Variants in LMNTD1 observed in about 807,000 individuals in gnomAD.
LMNTD1 encodes lamin tail domain containing 1, also known as lamin tail domain-containing protein 1.
A neutral mutation model predicts 50.9 loss-of-function variants in LMNTD1; 35 were observed. That is an observed-to-expected ratio of 0.69 (90% CI 0.53 to 0.91). The LOEUF is 0.91. Among genes scored for constraint, LMNTD1 ranks in the 40% least tolerant of loss-of-function variants. The pLI, the probability that LMNTD1 is intolerant of heterozygous loss-of-function variation, is 0.00. For missense variants in LMNTD1, 470 were observed against 475.5 expected, an observed-to-expected ratio of 0.99 and a Z score of 0.11; for synonymous variants, 153 against 161.9, an observed-to-expected ratio of 0.94 and a Z score of 0.42.
intron 9 of LMNTD1, among the ~76,000 whole-genome samples, chr12:25,486,717 G>T (rs1938657540): frequency 6.7e-6 from 1 of 150,020 alleles, no homozygotes; most frequent in South Asian, 2.2e-4. Flanking sequence ...AGCATGAAGG[G>T]TTGTTGAATT....
intron 1 of LMNTD1, among the ~76,000 whole-genome samples, chr12:25,635,201 T>C (rs576793901): frequency 4.8e-5 from 7 of 146,690 alleles, no homozygotes; most frequent in Non-Finnish European, 1.0e-4. Context: ...AATCACACCA[T>C]TGCACTCCAG....
chr12:25,530,188 T>A, intron 4 of LMNTD1, among the ~76,000 whole-genome samples: 1 of 152,200 alleles, frequency 6.6e-6, no homozygotes, highest in East Asian at 1.9e-4. Context: ...AATTTACATT[T>A]TTATAATTTA....
intron 1 of LMNTD1, among the ~76,000 whole-genome samples, chr12:25,601,984 AT>A (rs1945989610): frequency 6.6e-6 from 1 of 151,926 alleles, no homozygotes; most frequent in Non-Finnish European, 1.5e-5. Context: ...ATTATTGTTA[AT>A]TATAACTTTT....
At position 25,487,320 on chromosome 12, in the gene LMNTD1, A is replaced by G. The variant is rs1162219129; in HGVS notation, c.*23-10860T>C. ...TTGCTTTATGAATCTGGGTGCTCCT[A>G]TATTGGGTGCATATATATTTAGGAT... On this transcript the variant is annotated intron_variant, in intron 9 of 9. Coordinates refer to ENST00000458174, the MANE Select transcript of LMNTD1 (RefSeq NM_001145728.2). Among the ~76,000 whole-genome samples the G allele has an allele frequency of 3.0e-5, 4 of 134,176 alleles. No individual in the cohort carries two copies. The South Asian group carries it at 8.3e-4, about 28-fold the overall frequency. The allele number at this position is 134,176 out of a possible 152,430, so 88.0% of individuals were successfully genotyped here.
intron 6 of LMNTD1, among the ~76,000 whole-genome samples, 165 bp from the exon 7 acceptor site, chr12:25,520,240 T>C (rs1294707546): frequency 6.6e-6 from 1 of 150,414 alleles, no homozygotes; most frequent in African/African-American, 2.4e-5. Flanking sequence ...TACTTTTTTA[T>C]GACAAGAGCA....
At chr12:25,592,082 C>G (rs111472360) in intron 1 of LMNTD1, among the ~76,000 whole-genome samples, 3,456 of 152,222 alleles carry the variant, frequency 0.023, 101 homozygotes, top group African/African-American at 0.072. Context: ...AGGACAGGTA[C>G]AAACAAGCCC....
chr12:25,569,478 T>G (rs1295440749), intron 1 of LMNTD1, among the ~76,000 whole-genome samples: 1 of 152,058 alleles, frequency 6.6e-6, no homozygotes, highest in Non-Finnish European at 1.5e-5. Flanking sequence ...AGTTAAGACT[T>G]TGGGGGACTG....
chr12:25,574,277 CTT>C (rs1217755047), intron 1 of LMNTD1, among the ~76,000 whole-genome samples: 1 of 152,138 alleles, frequency 6.6e-6, no homozygotes, highest in African/African-American at 2.4e-5. Context: ...TTTTATCTCT[CTT>C]GTTACTTGCC....
intron 1 of LMNTD1, among the ~76,000 whole-genome samples, chr12:25,645,718 T>C (rs1404122990): frequency 2.6e-5 from 4 of 152,230 alleles, no homozygotes; most frequent in Non-Finnish European, 5.9e-5. Flanking sequence ...GTAGCAGCTG[T>C]ATGTGTTTCA....
intron 1 of LMNTD1, among the ~76,000 whole-genome samples, chr12:25,583,896 A>T (rs1314772129): frequency 6.6e-6 from 1 of 152,186 alleles, no homozygotes; most frequent in Admixed American, 6.5e-5. Flanking sequence ...GAGTGTCATG[A>T]TCTGGCTTGT....
intron 1 of LMNTD1, among the ~76,000 whole-genome samples, chr12:25,606,757 C>A (rs1159366430): frequency 6.6e-6 from 1 of 152,160 alleles, no homozygotes; most frequent in East Asian, 1.9e-4. Context: ...AGGATTTTTG[C>A]ATCAATGTTC....
Position 25,581,011 on chromosome 12 carries a change from A to C in LMNTD1, c.59-34457T>G, listed in dbSNP as rs75568417. Among the ~76,000 whole-genome samples, 4 of 152,338 alleles carry C rather than the reference A, an allele frequency of 2.6e-5. No individual in the cohort carries two copies. In the East Asian group the frequency reaches 7.7e-4, roughly 29 times the overall value. Reference sequence around the variant, plus strand: ...GAACAGTAAGCTTTAGCCTACTTGGAACTAATTTAAGTTAGTAGAGAAGAT... The same window carrying C: ...GAACAGTAAGCTTTAGCCTACTTGGCACTAATTTAAGTTAGTAGAGAAGAT... On this transcript the variant is annotated intron_variant, in intron 1 of 7. Coordinates refer to the LMNTD1 transcript ENST00000445693.
chr12:25,642,390 T>C (rs1208759290), intron 1 of LMNTD1, among the ~76,000 whole-genome samples: 1 of 152,156 alleles, frequency 6.6e-6, no homozygotes, highest in Admixed American at 6.5e-5. Context: ...CTCTGTTGTG[T>C]GAGGATCTCA....
intron 9 of LMNTD1, among the ~76,000 whole-genome samples, chr12:25,499,443 A>T (rs1204290900): frequency 6.6e-6 from 1 of 152,040 alleles, no homozygotes; most frequent in Non-Finnish European, 1.5e-5. Flanking sequence ...TGTAATGTGC[A>T]CTTGTTTAGT....
chr12:25,552,223 G>A (rs890153876), intron 2 of LMNTD1, among the ~76,000 whole-genome samples: 7 of 151,928 alleles, frequency 4.6e-5, no homozygotes, highest in African/African-American at 9.7e-5. Context: ...ACATTCTTAC[G>A]GACATTTCCA....
intron 4 of LMNTD1, among the ~76,000 whole-genome samples, chr12:25,539,014 G>C (rs2136175317): frequency 6.6e-6 from 1 of 151,516 alleles, no homozygotes; most frequent in South Asian, 2.1e-4. Context: ...AATTCAACAA[G>C]AAGAGCTAAC....
intron 1 of LMNTD1, among the ~76,000 whole-genome samples, chr12:25,581,796 G>A (rs776314624): frequency 3.9e-5 from 6 of 152,140 alleles, no homozygotes; most frequent in Non-Finnish European, 8.8e-5. Context: ...ATTGCCCCTA[G>A]GCTACAAACC....
intron 1 of LMNTD1, among the ~76,000 whole-genome samples, chr12:25,564,858 ATCTC>A (rs1944487499): frequency 6.6e-6 from 1 of 152,246 alleles, no homozygotes; most frequent in South Asian, 2.1e-4. Flanking sequence ...ATTGGAGTCT[ATCTC>A]TCTCTTTATC....
chr12:25,511,515 C>A (rs762068112), intron 8 of LMNTD1, among the ~76,000 whole-genome samples: 6 of 152,100 alleles, frequency 3.9e-5, no homozygotes, highest in Non-Finnish European at 5.9e-5. Flanking sequence ...AGTAATTAGC[C>A]TCATAAATCA....
Sources: gnomAD v4.1 joint callset for allele counts (sites outside exome capture counted in the v4.1 genomes callset) on GRCh38, gnomAD v4.1.1 for gene constraint, MANE v1.5 for transcripts, NCBI Gene and HGNC (gene_info 2026-07-23, HGNC 2026-07-21) for gene names.